Variants in NUMB observed in about 807,000 individuals in gnomAD.
NUMB encodes protein numb homolog.
In NUMB, 29 loss-of-function variants were observed where a neutral mutation model predicts 59.7. The observed-to-expected ratio is 0.49, with a 90% CI of 0.36 to 0.66. The LOEUF is 0.66. NUMB is among the 30% of genes least tolerant of loss of function. The probability of loss-of-function intolerance (pLI) is 0.00; values close to 1 mark genes in which losing one functional copy is unlikely to be tolerated. For synonymous variants in NUMB, 288 were observed against 288.2 expected (o/e 1.00, Z 0.01); for missense variants, 723 against 822.0 (o/e 0.88, Z 1.47).
At chr14:73,349,093 G>T (rs1054663369) in intron 4 of NUMB, among the ~76,000 whole-genome samples, 13 of 152,094 alleles carry the variant, frequency 8.5e-5, no homozygotes, top group African/African-American at 1.2e-4. Context: ...TCTTTTAACT[G>T]AACAAAATCA....
intron 6 of NUMB, among the ~76,000 whole-genome samples, chr14:73,312,122 T>A (rs1254357453): frequency 1.3e-5 from 2 of 152,072 alleles, no homozygotes; most frequent in African/African-American, 4.8e-5. Flanking sequence ...TTCTGGGTGC[T>A]GTGGCTCATG....
At position 73,350,070 on chromosome 14, in the gene NUMB, T is replaced by TACACACACACACACACACACACAC. The variant is rs765736029; in HGVS notation, c.126+5555_126+5556insGTGTGTGTGTGTGTGTGTGTGTGT. On this transcript the variant is annotated intron_variant, in intron 4 of 12. Transcript: ENST00000555238. ...ATACATACATACATATATACATACA[T>TACACACACACACACACACACACAC]ACATACATACACACACACACACACA... 4.6e-4 allele frequency among the ~76,000 whole-genome samples: 51 copies of TACACACACACACACACACACACAC among 110,256 alleles called. No individual in the cohort carries two copies. In the South Asian group the frequency reaches 7.1e-3, roughly 15 times the overall value. 72.3% of individuals were successfully genotyped at this position (110,256 alleles called of 152,430 possible).
chr14:73,438,667 TAATAAA>T (rs1321297399), intron 1 of NUMB, among the ~76,000 whole-genome samples: 3 of 149,968 alleles, frequency 2.0e-5, no homozygotes, highest in African/African-American at 7.3e-5. Flanking sequence ...CAAATAATTG[TAATAAA>T]AATAATAAAC....
At chr14:73,317,901 T>G (rs1891174804) in intron 5 of NUMB, among the ~76,000 whole-genome samples, 1 of 152,228 alleles carries the variant, frequency 6.6e-6, no homozygotes, top group Non-Finnish European at 1.5e-5. Context: ...AAAAGATAAT[T>G]GCATTGAAAT....
At chr14:73,393,721 G>A (rs1044333289) in intron 2 of NUMB, among the ~76,000 whole-genome samples, 2 of 152,130 alleles carry the variant, frequency 1.3e-5, no homozygotes, top group Non-Finnish European at 2.9e-5. Context: ...ACCAATACTT[G>A]TGAATTCTGG....
At chr14:73,401,363 A>G (rs1896402714) in intron 2 of NUMB, among the ~76,000 whole-genome samples, 1 of 151,944 alleles carries the variant, frequency 6.6e-6, no homozygotes, top group South Asian at 2.1e-4. Context: ...TTTTGCTATA[A>G]ACCTGAAACT....
At chr14:73,364,917 T>C (rs1894266440) in intron 3 of NUMB, among the ~76,000 whole-genome samples, 1 of 152,046 alleles carries the variant, frequency 6.6e-6, no homozygotes, top group South Asian at 2.1e-4. Flanking sequence ...AATACTGTAC[T>C]GAAAGTCCTA....
rs191832021 is a variant in NUMB, at chr14:73,350,231, T to C, written c.126+5395A>G. 3.2e-3 allele frequency among the ~76,000 whole-genome samples: 482 copies of C among 148,708 alleles called. 1 individual carries two copies. The highest frequency in any genetic ancestry group is 0.011 in the African/African-American group (455 of 40,158). On this transcript the variant is annotated intron_variant, in intron 4 of 12. Transcript: ENST00000555238. The stretch of plus-strand genomic sequence containing the variant: ...GTCTATCACCCAGGCTGGGGTGCAG[T>C]GGCGTGATCTCAGCTCACTGCAACC...
intron 1 of NUMB, among the ~76,000 whole-genome samples, chr14:73,453,423 C>T (rs556736944): frequency 1.3e-5 from 2 of 152,128 alleles, no homozygotes; most frequent in African/African-American, 4.8e-5. Context: ...TGAGCCACCA[C>T]GCCTAGCCTC....
intron 5 of NUMB, among the ~76,000 whole-genome samples, chr14:73,318,439 A>C (rs1292281080): frequency 6.6e-6 from 1 of 152,250 alleles, no homozygotes; most frequent in African/African-American, 2.4e-5. Context: ...ATAAAAAACC[A>C]ACATATTAGA....
intron 1 of NUMB, among the ~76,000 whole-genome samples, chr14:73,433,140 G>GAGGTTGCAGTGAGCCA (rs1897903856): frequency 6.6e-6 from 1 of 152,142 alleles, no homozygotes; most frequent in Admixed American, 6.6e-5. Flanking sequence ...CTGGGAGGCA[G>GAGGTTGCAGTGAGCCA]AGGTTGCAGT....
Position 73,416,276 on chromosome 14 carries a change from G to A in NUMB, c.-232-6208C>T, listed in dbSNP as rs1426060048. ...CATTCTCCATACAAAATATGCTTAA[G>A]GGAAAAAATTATGTTAGTTGGAAAA... On this transcript the variant is annotated intron_variant, in intron 1 of 12. Transcript: ENST00000555238. Among the ~76,000 whole-genome samples, 3 of 150,978 alleles carry A rather than the reference G, an allele frequency of 2.0e-5. No homozygotes were observed. In the East Asian group the frequency reaches 5.8e-4, roughly 29 times the overall value.
intron 6 of NUMB, among the ~76,000 whole-genome samples, chr14:73,314,910 A>G (rs934424846): frequency 1.3e-5 from 2 of 152,186 alleles, no homozygotes; most frequent in Non-Finnish European, 2.9e-5. Flanking sequence ...TTTCCTTAAC[A>G]AATATAATCC....
chr14:73,328,212 T>C (rs1376686221), intron 4 of NUMB, among the ~76,000 whole-genome samples: 1 of 151,192 alleles, frequency 6.6e-6, no homozygotes, highest in Non-Finnish European at 1.5e-5. Context: ...GAGGCAGAGG[T>C]TGCGGTGAGC....
In NUMB at chr14:73,306,180, C is replaced by T. The variant is rs140199864; in HGVS notation, c.235-8895G>A. On this transcript the variant is annotated intron_variant, in intron 6 of 12. Transcript: ENST00000555238. ...GACACTAAGGTTCATTATTCCTGTA[C>T]TTTCTTAAATGAGAGGGGCACTTAA... Among the ~76,000 whole-genome samples, 1,036 of 152,198 alleles carry T rather than the reference C, an allele frequency of 6.8e-3. 4 individuals are homozygous for T. The highest frequency in any genetic ancestry group is 0.03 in the South Asian group (144 of 4,814).
intron 2 of NUMB, among the ~76,000 whole-genome samples, chr14:73,405,299 C>A (rs1336138855): frequency 6.6e-6 from 1 of 152,092 alleles, no homozygotes. Flanking sequence ...TCAACACAAC[C>A]TAAAACCCAG....
chr14:73,401,010 C>T (rs1260011702), intron 2 of NUMB, among the ~76,000 whole-genome samples: 3 of 152,198 alleles, frequency 2.0e-5, no homozygotes, highest in African/African-American at 7.2e-5. Context: ...TATGGCTAAT[C>T]AGCCAGAAGC....
At chr14:73,333,438 C>T (rs1437426322) in intron 4 of NUMB, among the ~76,000 whole-genome samples, 1 of 151,956 alleles carries the variant, frequency 6.6e-6, no homozygotes, top group Non-Finnish European at 1.5e-5. Flanking sequence ...CACTTTGTTG[C>T]CCAGGCTGAT....
Position 73,278,443 on chromosome 14 carries a change from C to T in NUMB, c.1240+838G>A, listed in dbSNP as rs543325021. 7.2e-5 allele frequency among the ~76,000 whole-genome samples: 11 copies of T among 152,034 alleles called. No individual in the cohort carries two copies. The South Asian group carries it at 2.3e-3, about 32-fold the overall frequency. On this transcript the variant is annotated intron_variant, in intron 12 of 12. Transcript: ENST00000555238. ...GCTGAGGCAGGAGAGTTGCTTGAAC[C>T]TGAGAGATGGAGGTTGCAGTGAGCC... is the stretch of plus-strand genomic sequence containing the variant.
Sources: allele counts gnomAD v4.1 joint callset (sites outside exome capture counted in the v4.1 genomes callset), GRCh38; gene constraint gnomAD v4.1.1; transcripts MANE v1.5; gene names NCBI Gene and HGNC (gene_info 2026-07-23, HGNC 2026-07-21).